Variants in VPS4A observed in about 807,000 individuals in gnomAD.
VPS4A encodes vacuolar protein sorting-associated protein 4A.
A neutral mutation model predicts 52.3 loss-of-function variants in VPS4A; 20 were observed. That is an observed-to-expected ratio of 0.38 (90% CI 0.27 to 0.56). The LOEUF is 0.56. VPS4A is among the 20% of genes least tolerant of loss of function. The pLI, the probability that VPS4A is intolerant of heterozygous loss-of-function variation, is 0.72. For synonymous variants in VPS4A, 293 were observed against 227.7 expected, an observed-to-expected ratio of 1.29 and a Z score of -2.58; for missense variants, 419 against 575.9, an observed-to-expected ratio of 0.73 and a Z score of 2.79.
chr16:69,315,579 C>T (rs1053364957), intron 1 of VPS4A, among the ~76,000 whole-genome samples: 1 of 152,182 alleles, frequency 6.6e-6, no homozygotes, highest in African/African-American at 2.4e-5. Context: ...CTTCTCTGGC[C>T]CTGAGGCCGG....
In VPS4A at chr16:69,311,429, C is replaced by G; in HGVS notation, c.-83C>G. On this transcript the variant is annotated 5_prime_UTR_variant, in exon 1 of 11. Coordinates refer to ENST00000254950, the MANE Select transcript of VPS4A (RefSeq NM_013245.3). Reference sequence around the variant, plus strand: ...AGCGCCCACCGCCGGGCTTCCCGCGCCGGACCCAGTACCTCGGCTCCCCGG... The same window carrying G: ...AGCGCCCACCGCCGGGCTTCCCGCGGCGGACCCAGTACCTCGGCTCCCCGG... The G allele has an allele frequency of 8.2e-7, 1 of 1,220,864 alleles. No individual in the cohort carries two copies. The highest frequency in any genetic ancestry group is 1.0e-6 in the Non-Finnish European group (1 of 969,442). The allele number at this position is 1,220,864 out of a possible 1,614,324, so 75.6% of individuals were successfully genotyped here.
In VPS4A at chr16:69,311,453, G is replaced by A; in HGVS notation, c.-59G>A. 1 of 1,253,906 alleles carries A rather than the reference G, an allele frequency of 8.0e-7. No individual in the cohort carries two copies. The highest frequency in any genetic ancestry group is 1.0e-6 in the Non-Finnish European group (1 of 990,490). 77.7% of individuals were successfully genotyped at this position (1,253,906 alleles called of 1,614,324 possible). ...GCCGGACCCAGTACCTCGGCTCCCCGGGGCCGGACCGAGGCCGCAAGCAGC... is the reference window on the plus strand; with the variant it reads ...GCCGGACCCAGTACCTCGGCTCCCCAGGGCCGGACCGAGGCCGCAAGCAGC... On this transcript the variant is annotated 5_prime_UTR_variant, in exon 1 of 11. Transcript: ENST00000254950.
rs1411162123 is a variant in VPS4A, at chr16:69,321,548, T to C, written c.1071+278T>C. ...GGCCTCCTCCGTCAGCACTGTGTGC[T>C]CTTGTGCGGGGTGGACACCAAATCA... On this transcript the variant is annotated intron_variant, in intron 9 of 10. Transcript: ENST00000254950. This position sits in a 1 kb window ranked among gnomAD's most constrained non-coding sequence, Gnocchi z 4.5. 9 of 480,534 alleles carry C rather than the reference T, an allele frequency of 1.9e-5. No individual in the cohort carries two copies. Among genetic ancestry groups the C allele is most frequent in the Admixed American group, 1.4e-4 (4 of 29,198 alleles). 29.8% of individuals were successfully genotyped at this position (480,534 alleles called of 1,614,324 possible). A position where few individuals can be genotyped will look rare whatever the true frequency, so the allele number is the denominator to read the frequency against.
intron 3 of VPS4A, 48 bp from the exon 4 acceptor site, chr16:69,318,602 T>C (rs1055726496): frequency 6.4e-7 from 1 of 1,571,428 alleles, no homozygotes; most frequent in Admixed American, 1.9e-5. Context: ...AGCACCTCTG[T>C]GCTCCAGGCT....
intron 1 of VPS4A, among the ~76,000 whole-genome samples, chr16:69,312,987 AT>A (rs531516247): frequency 0.029 from 4,184 of 142,642 alleles, 195 homozygotes; most frequent in African/African-American, 0.1. Flanking sequence ...GTTTTTATTA[AT>A]TTTTTTTTTT....
Position 69,319,088 on chromosome 16 carries a change from C to T in VPS4A, c.463+146C>T, listed in dbSNP as rs1021406913. The T allele has an allele frequency of 1.3e-5, 16 of 1,241,758 alleles. No individual in the cohort carries two copies. The African/African-American group carries it at 2.1e-4, about 16-fold the overall frequency. The allele number at this position is 1,241,758 out of a possible 1,614,324, so 76.9% of individuals were successfully genotyped here. A position where few individuals can be genotyped will look rare whatever the true frequency, so the allele number is the denominator to read the frequency against. Reference sequence around the variant, plus strand: ...TGGCTGCTCGCTGGTGTCCACAACACTGCTGTGGCTGGAGCTATGAGATGA... The same window carrying T: ...TGGCTGCTCGCTGGTGTCCACAACATTGCTGTGGCTGGAGCTATGAGATGA... On this transcript the variant is annotated intron_variant, in intron 5 of 10. Coordinates refer to ENST00000254950, the MANE Select transcript of VPS4A (RefSeq NM_013245.3).
Position 69,324,736 on chromosome 16 carries a change from A to C in VPS4A, c.*427A>C, listed in dbSNP as rs1190009054. 1.5e-5 allele frequency: 3 copies of C among 200,330 alleles called. No homozygotes were observed. Among genetic ancestry groups the C allele is most frequent in the African/African-American group, 2.3e-5 (1 of 43,854 alleles). 12.4% of individuals were successfully genotyped at this position (200,330 alleles called of 1,614,324 possible). ...GACCTCCAGACAGCCGGCTAGCCCC[A>C]CTGCCCGTTCCTTTTACGCCCAAGT... is the stretch of plus-strand genomic sequence containing the variant. On this transcript the variant is annotated 3_prime_UTR_variant, in exon 11 of 11. Transcript: ENST00000254950.
At position 69,324,566 on chromosome 16, in the gene VPS4A, TCC is replaced by T. The variant is rs373089255; in HGVS notation, c.*263_*264del. The T allele has an allele frequency of 4.6e-6, 2 of 435,694 alleles. No individual in the cohort carries two copies. The highest frequency in any genetic ancestry group is 3.8e-5 in the East Asian group (1 of 26,658). The allele number at this position is 435,694 out of a possible 1,614,324, so 27.0% of individuals were successfully genotyped here. On this transcript the variant is annotated 3_prime_UTR_variant, in exon 11 of 11. Transcript: ENST00000254950. ...TGGATGCTCATCAGCTCCTTCTGCC[TCC>T]CCCCCTTTTTTTTCCATCTTTTGTT...
At chr16:69,324,102 T>G in intron 10 of VPS4A, 106 bp from the exon 11 acceptor site, 1 of 1,195,690 alleles carries the variant, frequency 8.4e-7, no homozygotes, top group Non-Finnish European at 1.2e-6. Flanking sequence ...GGGGTGGCCT[T>G]GAAGGCAAAC....
chr16:69,324,460 AG>A lies in VPS4A; in HGVS notation c.*153del, dbSNP rs760790452. ...TCTGGCCGTCTGCCAGGGAGCCAGA[AG>A]GAAGGGCCTTGCAGCCACAGAGACA... On this transcript the variant is annotated 3_prime_UTR_variant, in exon 11 of 11. Transcript: ENST00000254950. 2.6e-5 allele frequency: 21 copies of A among 807,516 alleles called. No homozygotes were observed. The highest frequency in any genetic ancestry group is 8.1e-5 in the East Asian group (3 of 37,154). The allele number at this position is 807,516 out of a possible 1,614,324, so 50.0% of individuals were successfully genotyped here.
Position 69,318,806 on chromosome 16 carries a change from C to T in VPS4A, c.344-17C>T, listed in dbSNP as rs534724066. 7.3e-5 allele frequency: 118 copies of T among 1,612,060 alleles called. No homozygotes were observed. The highest frequency in any genetic ancestry group is 4.9e-4 in the South Asian group (45 of 90,972). ...CCCTTGGCCGGGCCCGGGCCCGGGC[C>T]GGCCTCCCTCTCGCAGGTGCCGTCG... On this transcript the variant is annotated splice_polypyrimidine_tract_variant and intron_variant, in intron 4 of 10. Coordinates refer to ENST00000254950, the MANE Select transcript of VPS4A (RefSeq NM_013245.3).
chr16:69,314,546 G>A (rs998266245), intron 1 of VPS4A, among the ~76,000 whole-genome samples: 1 of 152,060 alleles, frequency 6.6e-6, no homozygotes, highest in Non-Finnish European at 1.5e-5. Flanking sequence ...TTCCAAGAAG[G>A]TTTGGGGCTC....
chr16:69,314,515 G>C (rs943230864), intron 1 of VPS4A, among the ~76,000 whole-genome samples: 1 of 152,116 alleles, frequency 6.6e-6, no homozygotes, highest in Non-Finnish European at 1.5e-5. Context: ...GCAGACAAGG[G>C]CAGCCTGTGC....
chr16:69,324,022 G>T (rs551533884), intron 10 of VPS4A, among the ~76,000 whole-genome samples, 186 bp from the exon 11 acceptor site: 249 of 152,090 alleles, frequency 1.6e-3, no homozygotes, highest in Non-Finnish European at 2.8e-3. Flanking sequence ...CTCAGACCAG[G>T]AGGAGGCCCA....
At chr16:69,314,548 T>C (rs746590676) in intron 1 of VPS4A, among the ~76,000 whole-genome samples, 18 of 151,988 alleles carry the variant, frequency 1.2e-4, no homozygotes, top group African/African-American at 2.4e-4. Flanking sequence ...CCAAGAAGGT[T>C]TGGGGCTCCC....
intron 3 of VPS4A, among the ~76,000 whole-genome samples, chr16:69,318,433 G>A (rs146135711): frequency 1.1e-3 from 169 of 152,366 alleles, no homozygotes; most frequent in African/African-American, 3.9e-3. Flanking sequence ...GAAACAGGGC[G>A]GGTTATAGGA....
At chr16:69,324,166 G>A in intron 10 of VPS4A, 42 bp from the exon 11 acceptor site, 1 of 1,593,216 alleles carries the variant, frequency 6.3e-7, no homozygotes, top group Non-Finnish European at 8.6e-7. Flanking sequence ...TTGGGGACCT[G>A]GAGCCTGGCT....
rs879014245 is a variant in VPS4A at position 69,320,978 on chromosome 16, C to A, written c.852-73C>A. 6.9e-7 allele frequency: 1 copy of A among 1,458,214 alleles called. No homozygotes were observed. Among genetic ancestry groups the A allele is most frequent in the Non-Finnish European group, 9.4e-7 (1 of 1,065,446 alleles). 90.3% of individuals were successfully genotyped at this position (1,458,214 alleles called of 1,614,324 possible). On this transcript the variant is annotated intron_variant, in intron 8 of 10. Coordinates refer to ENST00000254950, the MANE Select transcript of VPS4A (RefSeq NM_013245.3). The surrounding 1 kb of genome is among the most constrained non-coding windows in gnomAD (Gnocchi z 4.2). ...TGAAATGCGTCCGTTTCACTCAAAT[C>A]TTCGTGCCTCCCCTTCCGTGAATAC... is the stretch of plus-strand genomic sequence containing the variant.
rs1418540064 is a variant in VPS4A at position 69,321,744 on chromosome 16, G to GGAGACAGTC, written c.1071+475_1071+483dup. Reference sequence around the variant, plus strand: ...ATCCTAGACCTTCCGTTGTTGGTGGGGAGACAGTCAACACAGTCAGTGAGT... The same window carrying GGAGACAGTC: ...ATCCTAGACCTTCCGTTGTTGGTGGGGAGACAGTCGAGACAGTCAACACAGTCAGTGAGT... On this transcript the variant is annotated intron_variant, in intron 9 of 10. Transcript: ENST00000254950. This position sits in a 1 kb window ranked among gnomAD's most constrained non-coding sequence, Gnocchi z 4.5. 1 of 187,050 alleles carries GGAGACAGTC rather than the reference G, an allele frequency of 5.3e-6. No individual in the cohort carries two copies. The highest frequency in any genetic ancestry group is 2.4e-5 in the African/African-American group (1 of 42,346). 11.6% of individuals were successfully genotyped at this position (187,050 alleles called of 1,614,324 possible).
Sources: allele counts gnomAD v4.1 joint callset (sites outside exome capture counted in the v4.1 genomes callset), GRCh38; gene constraint gnomAD v4.1.1; non-coding constraint Gnocchi (gnomAD v3.1); transcripts MANE v1.5; gene names NCBI Gene and HGNC (gene_info 2026-07-23, HGNC 2026-07-21).